The following FAM228B variants were observed in gnomAD, a reference collection of about 807,000 sequenced individuals.
FAM228B encodes protein FAM228B.
In FAM228B, 38 loss-of-function variants were observed where a neutral mutation model predicts 42.6. That is an observed-to-expected ratio of 0.89 (90% CI 0.69 to 1.17). The LOEUF is 1.17. FAM228B is among the 50% of genes most tolerant of loss of function. FAM228B has a pLI of 0.00. For missense variants in FAM228B, 344 were observed against 367.3 expected, an observed-to-expected ratio of 0.94 and a Z score of 0.52; for synonymous variants, 109 against 122.3, an observed-to-expected ratio of 0.89 and a Z score of 0.72.
At chr2:24,121,937 A>T (rs1480005008), upstream of FAM228B, among the ~76,000 whole-genome samples, 1 of 152,214 alleles carries the variant, frequency 6.6e-6, no homozygotes, top group Non-Finnish European at 1.5e-5. Flanking sequence ...TTTTCTTTAT[A>T]AATTACCCAG....
At chr2:24,124,553 G>T in intron 2 of FAM228B, 93 bp downstream of exon 2, 10 of 700,526 alleles carry the variant, frequency 1.4e-5, no homozygotes, top group South Asian at 7.1e-5. Flanking sequence ...TTTTTCTATT[G>T]TTTGTTTTTA....
intron 3 of FAM228B, among the ~76,000 whole-genome samples, chr2:24,098,072 T>A (rs1665537221): frequency 6.6e-6 from 1 of 152,220 alleles, no homozygotes. Context: ...ATAAAGATGT[T>A]CTTTGAAACC....
chr2:24,127,681 TC>T (rs1443609344), intron 2 of FAM228B, among the ~76,000 whole-genome samples: 1 of 152,100 alleles, frequency 6.6e-6, no homozygotes, highest in Non-Finnish European at 1.5e-5. Context: ...TTTTTTTTTT[TC>T]AGCTGAGTCT....
chr2:24,118,182 G>T (rs1665983398), intron 3 of FAM228B, among the ~76,000 whole-genome samples: 2 of 152,142 alleles, frequency 1.3e-5, no homozygotes, highest in Non-Finnish European at 2.9e-5. Flanking sequence ...TCATATTCTG[G>T]TTATTTTAAT....
chr2:24,155,103 T>G (rs1437026903), intron 7 of FAM228B, among the ~76,000 whole-genome samples: 1 of 152,190 alleles, frequency 6.6e-6, no homozygotes, highest in Non-Finnish European at 1.5e-5. Context: ...TGATGGTATA[T>G]TAAGATGATG....
At position 24,138,430 on chromosome 2, in the gene FAM228B, G is replaced by A. The variant is rs577763688; in HGVS notation, c.360+330G>A. On this transcript the variant is annotated intron_variant, in intron 4 of 10. Coordinates refer to ENST00000615575, the MANE Select transcript of FAM228B (RefSeq NM_001145710.2). The stretch of plus-strand genomic sequence containing the variant: ...GGCTCACTGCAAACCTCCACCTCAC[G>A]GCTTCAAGCAATTCTCCTGCCTTAG... Among the ~76,000 whole-genome samples the A allele has an allele frequency of 3.3e-5, 5 of 152,148 alleles. 1 individual carries two copies. Among genetic ancestry groups the A allele is most frequent in the African/African-American group, 1.2e-4 (5 of 41,524 alleles).
chr2:24,145,367 C>T (rs1047093480), intron 5 of FAM228B, among the ~76,000 whole-genome samples: 13 of 152,210 alleles, frequency 8.5e-5, no homozygotes, highest in Admixed American at 6.5e-4. Context: ...ACACCACTGA[C>T]GCTGTTTGCA....
In FAM228B at chr2:24,124,346, G is replaced by A; in HGVS notation, c.-16G>A. The A allele has an allele frequency of 1.3e-6, 2 of 1,512,212 alleles. No homozygotes were observed. Among genetic ancestry groups the A allele is most frequent in the Non-Finnish European group, 1.8e-6 (2 of 1,120,520 alleles). 93.7% of individuals were successfully genotyped at this position (1,512,212 alleles called of 1,614,324 possible). A position where few individuals can be genotyped will look rare whatever the true frequency, so the allele number is the denominator to read the frequency against. On this transcript the variant is annotated 5_prime_UTR_variant, in exon 2 of 11. Coordinates refer to ENST00000615575, the MANE Select transcript of FAM228B (RefSeq NM_001145710.2). ...GATTTTTAGTTTTTCCAGGGGCATT[G>A]TTATTTGTGACCACAATGAAAAATG...
intron 7 of FAM228B, among the ~76,000 whole-genome samples, chr2:24,149,941 AC>A (rs1376406382): frequency 1.3e-5 from 2 of 152,202 alleles, no homozygotes; most frequent in African/African-American, 4.8e-5. Context: ...ACTGATGACA[AC>A]TTAAGACTGA....
At chr2:24,155,185 G>T (rs1218516268) in intron 7 of FAM228B, among the ~76,000 whole-genome samples, 1 of 152,092 alleles carries the variant, frequency 6.6e-6, no homozygotes, top group African/African-American at 2.4e-5. Flanking sequence ...CTCTGATCAT[G>T]TAGTAAGATG....
In FAM228B at chr2:24,124,394, T is replaced by G. The variant is rs1258655767; in HGVS notation, c.33T>G (p.Thr11=). 6.4e-7 allele frequency: 1 copy of G among 1,551,922 alleles called. No homozygotes were observed. Among genetic ancestry groups the G allele is most frequent in the Non-Finnish European group, 8.7e-7 (1 of 1,147,008 alleles). Reference sequence around the variant, plus strand: ...ATGTAGACAGTGATGATCTGGTAACTGGCACACTTCCCAAGCTCAAGAGCT... The same window carrying G: ...ATGTAGACAGTGATGATCTGGTAACGGGCACACTTCCCAAGCTCAAGAGCT... MKNVDSDDLV[T]GTLPKLKSSK... Residue 11 remains threonine (T), a synonymous_variant, in exon 2 of 11, where the codon ACT becomes ACG. Coordinates refer to ENST00000615575, the MANE Select transcript of FAM228B (RefSeq NM_001145710.2).
At chr2:24,167,487 G>C in intron 9 of FAM228B, 140 bp from the exon 10 acceptor site, 2 of 1,025,914 alleles carry the variant, frequency 1.9e-6, no homozygotes, top group Non-Finnish European at 2.9e-6. Flanking sequence ...ATTTAAACCT[G>C]TTCTGTTGGG....
Position 24,169,347 on chromosome 2 carries a change from C to T in FAM228B, c.*15-9C>T. 1 of 467,666 alleles carries T rather than the reference C, an allele frequency of 2.1e-6. No homozygotes were observed. The highest frequency in any genetic ancestry group is 2.3e-5 in the Admixed American group (1 of 42,560). The allele number at this position is 467,666 out of a possible 1,614,324, so 29.0% of individuals were successfully genotyped here. ...ACACTCAACTCTTCCCTTTTGTCAC[C>T]TTCAAAAGGTTTCAGCAACCAAGGA... On this transcript the variant is annotated splice_polypyrimidine_tract_variant and intron_variant, in intron 10 of 10. Transcript: ENST00000615575. The surrounding 1 kb of genome is among the most constrained non-coding windows in gnomAD (Gnocchi z 4.2).
At chr2:24,091,277 C>G (rs1242703264) in intron 2 of FAM228B, among the ~76,000 whole-genome samples, 3 of 151,996 alleles carry the variant, frequency 2.0e-5, no homozygotes, top group Admixed American at 6.6e-5. Context: ...ACTAAAAATA[C>G]AAAAAATTAG....
chr2:24,104,242 G>A (rs911301887), intron 3 of FAM228B, among the ~76,000 whole-genome samples: 1 of 152,202 alleles, frequency 6.6e-6, no homozygotes, highest in African/African-American at 2.4e-5. Context: ...GCAAGACTGG[G>A]AATAGGAGAA....
chr2:24,154,398 A>C (rs540819325), intron 7 of FAM228B, among the ~76,000 whole-genome samples: 8 of 152,326 alleles, frequency 5.3e-5, no homozygotes, highest in Non-Finnish European at 1.2e-4. Context: ...TCATTTGATC[A>C]TTTTTAAAAT....
At position 24,113,801 on chromosome 2, in the gene FAM228B, C is replaced by T. The variant is rs539618785; in HGVS notation, c.-121+18572C>T. 5.9e-5 allele frequency among the ~76,000 whole-genome samples: 9 copies of T among 152,112 alleles called. No homozygotes were observed. In the East Asian group the frequency reaches 1.7e-3, roughly 29 times the overall value. On this transcript the variant is annotated intron_variant, in intron 3 of 10. Coordinates refer to the FAM228B transcript ENST00000613899. The stretch of plus-strand genomic sequence containing the variant: ...CTGAGGCAGGAGATTCACTTGAAAC[C>T]TGGAGGTGGAGGTTGCAGTGAGCCG...
intron 2 of FAM228B, among the ~76,000 whole-genome samples, chr2:24,089,994 C>CAA (rs1301564230): frequency 4.4e-5 from 6 of 136,764 alleles, no homozygotes; most frequent in Admixed American, 7.6e-5. Flanking sequence ...AAAAAAAACG[C>CAA]CGGGCGCAGT....
intron 3 of FAM228B, chr2:24,115,262 C>A (rs547538209): frequency 3.6e-6 from 1 of 279,012 alleles, no homozygotes; most frequent in Non-Finnish European, 6.9e-6. Context: ...GTGGTGAGAG[C>A]CTTGCATTCT....
Sources: allele counts gnomAD v4.1 joint callset (sites outside exome capture counted in the v4.1 genomes callset), GRCh38; gene constraint gnomAD v4.1.1; non-coding constraint Gnocchi (gnomAD v3.1); transcripts MANE v1.5; gene names NCBI Gene and HGNC (gene_info 2026-07-23, HGNC 2026-07-21).